CES2: variants seen among roughly 807,000 people sequenced by gnomAD.
CES2 encodes cocaine esterase.
In CES2, 42 loss-of-function variants were observed where a neutral mutation model predicts 52.1. The observed-to-expected ratio is 0.81, with a 90% CI of 0.63 to 1.04. CES2 has a LOEUF of 1.04. CES2 is among the 50% of genes least tolerant of loss of function. The pLI is 0.00. For missense variants in CES2, 656 were observed against 724.3 expected (o/e 0.91, Z 1.08); for synonymous variants, 277 against 289.6 (o/e 0.96, Z 0.44).
At chr16:66,941,306 G>A (rs1963357649) in intron 6 of CES2, 84 bp downstream of exon 6, 3 of 1,562,424 alleles carry the variant, frequency 1.9e-6, no homozygotes, top group African/African-American at 1.4e-5. Flanking sequence ...ATATTCCCTG[G>A]GCACATTACC....
chr16:66,935,475 C>A, upstream of CES2: 1 of 1,613,232 alleles, frequency 6.2e-7, no homozygotes, highest in Non-Finnish European at 8.5e-7. Flanking sequence ...CCTACCACAC[C>A]CACCTTTCCC....
At position 66,943,279 on chromosome 16, in the gene CES2, T is replaced by C. The variant is rs1163147745; in HGVS notation, c.1421-20T>C. 2 of 1,613,304 alleles carry C rather than the reference T, an allele frequency of 1.2e-6. No individual in the cohort carries two copies. The highest frequency in any genetic ancestry group is 1.7e-6 in the Non-Finnish European group (2 of 1,179,576). Reference sequence around the variant, plus strand: ...GGTTGGACATCCTGATGAAGACACATGTCCTCTTCCTCTTGGCAGTTAAAT... The same window carrying C: ...GGTTGGACATCCTGATGAAGACACACGTCCTCTTCCTCTTGGCAGTTAAAT... On this transcript the variant is annotated intron_variant, in intron 10 of 11. Transcript: ENST00000317091. This position sits in a 1 kb window ranked among gnomAD's most constrained non-coding sequence, Gnocchi z 4.2.
rs149549123 is a variant in CES2 at position 66,941,827 on chromosome 16, G to A, written c.1116G>A (p.Leu372=). 12 of 1,614,034 alleles carry A rather than the reference G, an allele frequency of 7.4e-6. No individual in the cohort carries two copies. Among genetic ancestry groups the A allele is most frequent in the Non-Finnish European group, 1.0e-5 (12 of 1,180,026 alleles). Residue 372 remains leucine, a synonymous_variant, in exon 8 of 12, where the codon CTG becomes CTA. Coordinates refer to ENST00000317091, the MANE Select transcript of CES2 (RefSeq NM_001365405.1). ...ACAGAGAGGCCTCCCAGGCTGCTCTGCAGAAAATGTTAACGCTGCTGGTAA... is the reference window on the plus strand; with the variant it reads ...ACAGAGAGGCCTCCCAGGCTGCTCTACAGAAAATGTTAACGCTGCTGGTAA... ...EMDREASQAA[L]QKMLTLLMLP...
At chr16:66,935,368 C>G (rs530131058), upstream of CES2, 2 of 1,463,340 alleles carry the variant, frequency 1.4e-6, no homozygotes, top group Admixed American at 2.1e-5. Flanking sequence ...CAGCCCCTTC[C>G]GAGGATGCCA....
At chr16:66,937,013 CAAA>C (rs8192923) in intron 1 of CES2, among the ~76,000 whole-genome samples, 4 of 79,094 alleles carry the variant, frequency 5.1e-5, no homozygotes, top group Admixed American at 1.4e-4. Context: ...TTGTCTCTAC[CAAA>C]AAAAAAAAAA....
chr16:66,939,361 G>A lies in CES2; in HGVS notation c.423+3G>A. 3 of 1,614,006 alleles carry A rather than the reference G, an allele frequency of 1.9e-6. No homozygotes were observed. Among genetic ancestry groups the A allele is most frequent in the Non-Finnish European group, 2.5e-6 (3 of 1,179,976 alleles). On this transcript the variant is annotated splice_donor_region_variant and intron_variant, in intron 3 of 11. Transcript: ENST00000317091. ...GCCATGAAGGCTCTAACCTGCCGGT[G>A]GGTGTCAGGCCACAGTTCACTGGGG... is the stretch of plus-strand genomic sequence containing the variant.
rs1426032872 is a variant in CES2 at position 66,941,794 on chromosome 16, G to A, written c.1083G>A (p.Lys361=). Residue 361 remains lysine, a synonymous_variant, in exon 8 of 12, where the codon AAG becomes AAA. Transcript: ENST00000317091. ...TCATGAGGATCTATGATACCCAGAA[G>A]GAAATGGACAGAGAGGCCTCCCAGG... The part of the protein sequence containing the change: ...PKVMRIYDTQ[K]EMDREASQAA... The A allele has an allele frequency of 1.2e-6, 2 of 1,614,164 alleles. No individual in the cohort carries two copies. The highest frequency in any genetic ancestry group is 2.2e-5 in the South Asian group (2 of 91,090).
rs544349251 is a variant in CES2, at chr16:66,935,921, G to A, written c.76+210G>A. 5.1e-4 allele frequency: 741 copies of A among 1,441,140 alleles called. 1 individual carries two copies. The highest frequency in any genetic ancestry group is 6.4e-4 in the Non-Finnish European group (701 of 1,101,622). 89.3% of individuals were successfully genotyped at this position (1,441,140 alleles called of 1,614,324 possible). A position where few individuals can be genotyped will look rare whatever the true frequency, so the allele number is the denominator to read the frequency against. On this transcript the variant is annotated intron_variant, in intron 1 of 11. Coordinates refer to ENST00000317091, the MANE Select transcript of CES2 (RefSeq NM_001365405.1). ...AAAGGGTCGGGCTGGGGGACACCAC[G>A]GCAAGGAACCAGCGGAGTACAGGGG...
At chr16:66,936,039 C>G in intron 1 of CES2, 16 of 1,272,738 alleles carry the variant, frequency 1.3e-5, no homozygotes, top group Non-Finnish European at 1.6e-5. Flanking sequence ...CCATTTCCCT[C>G]TTATGATTGT....
chr16:66,942,570 A>AGGT, intron 9 of CES2, 78 bp from the exon 10 acceptor site: 1 of 1,525,944 alleles, frequency 6.6e-7, no homozygotes, highest in South Asian at 1.2e-5. Context: ...CTTTGGACCT[A>AGGT]GGTATCTTAT....
In CES2 at chr16:66,938,256, G is replaced by A; in HGVS notation, c.281+15G>A. ...CATCCGGCCATGTAAGCTCTCCAAGGGGTCCAGGGAACTCCAGGCCCTGGG... is the reference window on the plus strand; with the variant it reads ...CATCCGGCCATGTAAGCTCTCCAAGAGGTCCAGGGAACTCCAGGCCCTGGG... On this transcript the variant is annotated intron_variant, in intron 2 of 11. Transcript: ENST00000317091. 1.3e-6 allele frequency: 2 copies of A among 1,599,952 alleles called. No homozygotes were observed. The highest frequency in any genetic ancestry group is 1.7e-6 in the Non-Finnish European group (2 of 1,167,176).
intron 1 of CES2, 77 bp from the exon 2 acceptor site, chr16:66,937,960 G>A: frequency 1.7e-6 from 2 of 1,208,550 alleles, no homozygotes; most frequent in Non-Finnish European, 2.4e-6. Context: ...AGGATGGCAA[G>A]GAAGCAGCAA....
intron 1 of CES2, chr16:66,936,091 T>C: frequency 1.0e-6 from 1 of 981,194 alleles, no homozygotes; most frequent in Non-Finnish European, 1.3e-6. Flanking sequence ...CAGTAATAGC[T>C]TCTGGCAGCA....
chr16:66,942,565 G>T (rs1362132883), intron 9 of CES2, 83 bp from the exon 10 acceptor site: 2 of 1,507,426 alleles, frequency 1.3e-6, no homozygotes, highest in East Asian at 4.6e-5. Context: ...GCCAGCTTTG[G>T]ACCTAGGTAT....
In CES2 at chr16:66,935,546, G is replaced by A. The variant is rs1432332887; in HGVS notation, c.-90G>A. On this transcript the variant is annotated 5_prime_UTR_variant, in exon 1 of 12. Coordinates refer to ENST00000317091, the MANE Select transcript of CES2 (RefSeq NM_001365405.1). ...AGTCCAAACTCCAAGGCTGGGCAAG[G>A]CACTGATCCACTGCTGGACAGACCC... is the stretch of plus-strand genomic sequence containing the variant. 6.2e-7 allele frequency: 1 copy of A among 1,614,004 alleles called. No individual in the cohort carries two copies. Among genetic ancestry groups the A allele is most frequent in the Admixed American group, 1.7e-5 (1 of 60,012 alleles).
At chr16:66,941,728 C>T (rs758336504) in intron 7 of CES2, 40 bp from the exon 8 acceptor site, 8 of 1,613,982 alleles carry the variant, frequency 5.0e-6, no homozygotes, top group South Asian at 1.1e-5. Flanking sequence ...GCTCCAGGCT[C>T]ATCCCATCCC....
chr16:66,940,902 A>G (rs1300240303), intron 5 of CES2, among the ~76,000 whole-genome samples: 1 of 152,216 alleles, frequency 6.6e-6, no homozygotes, highest in Non-Finnish European at 1.5e-5. Context: ...GCTCCTGTGC[A>G]AAGTTGTCAC....
chr16:66,941,848 G>A lies in CES2; in HGVS notation c.1137G>A (p.Leu379=), dbSNP rs751005893. The change falls in exon 8 of 12, where the codon CTG becomes CTA. Residue 379 remains leucine (L), a splice_region_variant and synonymous_variant. Coordinates refer to ENST00000317091, the MANE Select transcript of CES2 (RefSeq NM_001365405.1). ...QAALQKMLTL[L]MLPPTFGDLL... Reference sequence around the variant, plus strand: ...CTCTGCAGAAAATGTTAACGCTGCTGGTAAGGCTCCTGGGGTCCCTCGCCA... The same window carrying A: ...CTCTGCAGAAAATGTTAACGCTGCTAGTAAGGCTCCTGGGGTCCCTCGCCA... The A allele has an allele frequency of 6.2e-7, 1 of 1,613,990 alleles. No homozygotes were observed.
At position 66,943,993 on chromosome 16, in the gene CES2, G is replaced by C; in HGVS notation, c.1648G>C (p.Glu550Gln). Residue 550 changes from glutamate to glutamine, a missense_variant, in exon 12 of 12, where the codon GAG becomes CAG. Physicochemically the swap from Glu to Gln is conservative, Grantham distance 29 (BLOSUM62 2). Transcript: ENST00000317091. This position sits in a 1 kb window ranked among gnomAD's most constrained non-coding sequence, Gnocchi z 4.2. ...GCTGCCCCAAAAGATCCAGGAGCTC[G>C]AGGAGCCTGAAGAGAGACACACAGA... ...KALPQKIQEL[E>Q]EPEERHTEL The C allele has an allele frequency of 6.3e-7, 1 of 1,578,080 alleles. No homozygotes were observed. Among genetic ancestry groups the C allele is most frequent in the Non-Finnish European group, 8.6e-7 (1 of 1,158,070 alleles).
Sources: gnomAD v4.1 joint callset for allele counts (sites outside exome capture counted in the v4.1 genomes callset) on GRCh38, gnomAD v4.1.1 for gene constraint, Gnocchi (gnomAD v3.1) non-coding constraint, MANE v1.5 for transcripts, NCBI Gene and HGNC (gene_info 2026-07-23, HGNC 2026-07-21) for gene names.